The following ABHD6 variants were observed in gnomAD, a reference collection of about 807,000 sequenced individuals.
ABHD6 encodes monoacylglycerol lipase ABHD6.
ABHD6 carries 33 observed loss-of-function variants against 38.8 expected under a neutral mutation model. The observed-to-expected ratio is 0.85, with a 90% CI of 0.64 to 1.14. ABHD6 has a LOEUF of 1.14. Ranked by LOEUF, ABHD6 falls within the 50% of genes most tolerant of loss-of-function variation. The pLI is 0.00. For synonymous variants in ABHD6, 147 were observed against 161.6 expected, an observed-to-expected ratio of 0.91 and a Z score of 0.69; for missense variants, 380 against 422.6, an observed-to-expected ratio of 0.90 and a Z score of 0.88.
chr3:58,283,666 TTGGATGGA>T (rs370728623), intron 7 of ABHD6, among the ~76,000 whole-genome samples: 5 of 151,920 alleles, frequency 3.3e-5, no homozygotes, highest in African/African-American at 1.2e-4. Flanking sequence ...GGCTGAATGG[TTGGATGGA>T]TGGATGGATG....
At chr3:58,246,104 A>G (rs1054584822) in intron 1 of ABHD6, among the ~76,000 whole-genome samples, 1 of 152,160 alleles carries the variant, frequency 6.6e-6, no homozygotes, top group Admixed American at 6.5e-5. Flanking sequence ...TCAGTGAGAA[A>G]CGTTCAAATC....
Position 58,285,023 on chromosome 3 carries a change from T to A in ABHD6, c.682-62T>A. On this transcript the variant is annotated intron_variant, in intron 7 of 9. Coordinates refer to ENST00000478253, the MANE Select transcript of ABHD6 (RefSeq NM_001320126.2). This position sits in a 1 kb window ranked among gnomAD's most constrained non-coding sequence, Gnocchi z 4.9. The stretch of plus-strand genomic sequence containing the variant: ...TCATTCCCATTCATTGTCCCAGAGC[T>A]GTGAGAGGCCTGAGGAAATGAATCT... 1 of 1,486,594 alleles carries A rather than the reference T, an allele frequency of 6.7e-7. No individual in the cohort carries two copies. Among genetic ancestry groups the A allele is most frequent in the Non-Finnish European group, 9.4e-7 (1 of 1,063,972 alleles). 92.1% of individuals were successfully genotyped at this position (1,486,594 alleles called of 1,614,324 possible).
intron 3 of ABHD6, among the ~76,000 whole-genome samples, chr3:58,260,057 A>G (rs1271983815): frequency 6.6e-6 from 1 of 152,198 alleles, no homozygotes; most frequent in Admixed American, 6.5e-5. Flanking sequence ...TCCATTGTGT[A>G]TATATACAGT....
rs149686664 is a variant in ABHD6, at chr3:58,287,743, C to T, written c.837+2290C>T. 7.8e-4 allele frequency among the ~76,000 whole-genome samples: 119 copies of T among 152,310 alleles called. No homozygotes were observed. The East Asian group carries it at 0.017, about 21-fold the overall frequency. On this transcript the variant is annotated intron_variant, in intron 9 of 9. Coordinates refer to ENST00000478253, the MANE Select transcript of ABHD6 (RefSeq NM_001320126.2). The surrounding 1 kb of genome is among the most constrained non-coding windows in gnomAD (Gnocchi z 4.7). The stretch of plus-strand genomic sequence containing the variant: ...GTAACCCATCTTCCTGTGGAGACAG[C>T]GCAGAAGCAAGGGCACTGGCCTTGG...
intron 7 of ABHD6, among the ~76,000 whole-genome samples, chr3:58,282,495 G>T (rs1424444876): frequency 6.6e-6 from 1 of 152,170 alleles, no homozygotes; most frequent in Non-Finnish European, 1.5e-5. Flanking sequence ...ACTTTGGGAG[G>T]CCAAGGCGGG....
chr3:58,286,822 ATGTGTGTGTG>A (rs56020810), intron 9 of ABHD6, among the ~76,000 whole-genome samples: 1,192 of 74,762 alleles, frequency 0.016, 95 homozygotes, highest in African/African-American at 0.07. Context: ...AAGATCATAT[ATGTGTGTGTG>A]TGTGTGTGTG....
At chr3:58,290,864 G>A (rs1256750574) in intron 9 of ABHD6, among the ~76,000 whole-genome samples, 2 of 148,948 alleles carry the variant, frequency 1.3e-5, no homozygotes, top group African/African-American at 5.0e-5. Flanking sequence ...ATGGGATGGC[G>A]GCCGGGCAGA....
intron 7 of ABHD6, among the ~76,000 whole-genome samples, chr3:58,284,239 A>G (rs746770691): frequency 3.3e-5 from 5 of 152,194 alleles, no homozygotes; most frequent in Non-Finnish European, 5.9e-5. Context: ...ACCAGCCCTC[A>G]GCAGGGAAGG....
chr3:58,275,186 AACAT>A (rs2097447886), intron 7 of ABHD6, among the ~76,000 whole-genome samples: 1 of 152,056 alleles, frequency 6.6e-6, no homozygotes, highest in Non-Finnish European at 1.5e-5. Context: ...GAGGTGGAAA[AACAT>A]ACATATTCAA....
Position 58,267,339 on chromosome 3 carries a change from G to A in ABHD6, c.270G>A (p.Val90=), listed in dbSNP as rs2097441822. Residue 90 remains valine, a synonymous_variant, in exon 4 of 10, where the codon GTG becomes GTA. Transcript: ENST00000478253. This position sits in a 1 kb window ranked among gnomAD's most constrained non-coding sequence, Gnocchi z 4.3. ...CCCACAAGGATATGTGGCTCAGTGT[G>A]GTCAAGGTGCAATTCTCGATTCTTC... ...FSAHKDMWLS[V]VKFLPKNLHL... is the part of the protein sequence containing the mutation. 6.2e-7 allele frequency: 1 copy of A among 1,614,012 alleles called. No individual in the cohort carries two copies. Among genetic ancestry groups the A allele is most frequent in the South Asian group, 1.1e-5 (1 of 91,072 alleles).
At chr3:58,247,550 G>A (rs963330396) in intron 1 of ABHD6, among the ~76,000 whole-genome samples, 4 of 152,050 alleles carry the variant, frequency 2.6e-5, no homozygotes, top group African/African-American at 9.7e-5. Flanking sequence ...TGAGGAGTTT[G>A]TATTGTAGTT....
At chr3:58,262,995 G>T (rs377548880) in intron 3 of ABHD6, among the ~76,000 whole-genome samples, 119 of 152,322 alleles carry the variant, frequency 7.8e-4, no homozygotes, top group African/African-American at 2.8e-3. Context: ...AGATCACGAG[G>T]TCAGGAGTTT....
chr3:58,250,389 G>T (rs180839586), intron 2 of ABHD6, among the ~76,000 whole-genome samples: 1 of 152,176 alleles, frequency 6.6e-6, no homozygotes, highest in Non-Finnish European at 1.5e-5. Flanking sequence ...AGGCAAAGAC[G>T]TGGGAGTCAG....
intron 7 of ABHD6, 148 bp from the exon 8 acceptor site, chr3:58,284,937 A>G: frequency 1.5e-6 from 1 of 681,470 alleles, no homozygotes; most frequent in African/African-American, 1.8e-5. Context: ...TGTGTGCTGC[A>G]TCATGGGAAT....
At chr3:58,260,405 G>A (rs886475865) in intron 3 of ABHD6, among the ~76,000 whole-genome samples, 1 of 152,224 alleles carries the variant, frequency 6.6e-6, no homozygotes, top group Admixed American at 6.5e-5. Context: ...ATCATGCCAG[G>A]TGGCATTGTG....
At chr3:58,246,780 A>G (rs1173657313) in intron 1 of ABHD6, among the ~76,000 whole-genome samples, 1 of 152,222 alleles carries the variant, frequency 6.6e-6, no homozygotes, top group Non-Finnish European at 1.5e-5. Flanking sequence ...TATCATTTGA[A>G]AAATTTAAAT....
Position 58,265,694 on chromosome 3 carries a change from A to C in ABHD6, c.120-1495A>C, listed in dbSNP as rs1423875006. Among the ~76,000 whole-genome samples, 1 of 152,232 alleles carries C rather than the reference A, an allele frequency of 6.6e-6. No individual in the cohort carries two copies. Among genetic ancestry groups the C allele is most frequent in the Non-Finnish European group, 1.5e-5 (1 of 68,050 alleles). ...GACTAGATAATTTATAAAGAAAAGA[A>C]ATTTGTTTGGCTTATTGTTCTGGAG... On this transcript the variant is annotated intron_variant, in intron 3 of 9. Coordinates refer to ENST00000478253, the MANE Select transcript of ABHD6 (RefSeq NM_001320126.2). This position sits in a 1 kb window ranked among gnomAD's most constrained non-coding sequence, Gnocchi z 4.2.
rs555989776 is a variant in ABHD6 at position 58,261,974 on chromosome 3, G to T, written c.120-5215G>T. On this transcript the variant is annotated intron_variant, in intron 3 of 9. Coordinates refer to ENST00000478253, the MANE Select transcript of ABHD6 (RefSeq NM_001320126.2). Reference sequence around the variant, plus strand: ...CAGACAAATGGATAAACAAAATGTGGTATATACACAATAGAATATTATTCA... The same window carrying T: ...CAGACAAATGGATAAACAAAATGTGTTATATACACAATAGAATATTATTCA... Among the ~76,000 whole-genome samples, 12 of 152,240 alleles carry T rather than the reference G, an allele frequency of 7.9e-5. No homozygotes were observed. The South Asian group carries it at 1.7e-3, about 21-fold the overall frequency.
At chr3:58,275,037 G>A (rs116765439) in intron 7 of ABHD6, among the ~76,000 whole-genome samples, 7 of 152,210 alleles carry the variant, frequency 4.6e-5, no homozygotes, top group Non-Finnish European at 1.0e-4. Context: ...ACAGTCCAGT[G>A]GGGGAGGCAG....
Sources: allele counts gnomAD v4.1 joint callset (sites outside exome capture counted in the v4.1 genomes callset), GRCh38; gene constraint gnomAD v4.1.1; non-coding constraint Gnocchi (gnomAD v3.1); transcripts MANE v1.5; gene names NCBI Gene and HGNC (gene_info 2026-07-23, HGNC 2026-07-21).